Variants in PLAA observed in about 807,000 individuals in gnomAD.
PLAA encodes the protein phospholipase A2 activating protein, also known as phospholipase A-2-activating protein.
In PLAA, 48 loss-of-function variants were observed where a neutral mutation model predicts 84.1. The observed-to-expected ratio is 0.57, with a 90% CI of 0.45 to 0.73. The LOEUF is 0.73. PLAA is among the 30% of genes least tolerant of loss of function. The pLI, the probability that PLAA is intolerant of heterozygous loss-of-function variation, is 0.00. For synonymous variants in PLAA, 392 were observed against 336.6 expected (o/e 1.16, Z -1.80); for missense variants, 903 against 954.7 (o/e 0.95, Z 0.71).
chr9:26,919,610 G>C, intron 8 of PLAA, 81 bp from the exon 9 acceptor site: 3 of 753,336 alleles, frequency 4.0e-6, no homozygotes, highest in Non-Finnish European at 6.6e-6. Flanking sequence ...TAACACAGAT[G>C]TGTTCTTTAA....
intron 2 of PLAA, among the ~76,000 whole-genome samples, chr9:26,934,568 C>A (rs1825298771): frequency 6.7e-6 from 1 of 149,032 alleles, no homozygotes; most frequent in Non-Finnish European, 1.5e-5. Flanking sequence ...TAACCTCTGC[C>A]TGCCAGGTTC....
In PLAA at chr9:26,913,934, A is replaced by T; in HGVS notation, c.1500T>A (p.Tyr500Ter). 6.2e-7 allele frequency: 1 copy of T among 1,611,498 alleles called. No individual in the cohort carries two copies. Reference protein sequence around the residue: ...TADPFTGAGRYVPGSASMGTT... With the variant: ...TADPFTGAGR ...TTCCCATACTTGCAGAACCTGGTAC[A>T]TAACGACCAGCACCTACAATACAAT... Residue 500 changes from tyrosine (Y) to a stop codon, truncating the protein, a stop_gained, in exon 11 of 14, where the codon TAT becomes TAA. Transcript: ENST00000397292. LOFTEE classifies it high-confidence loss of function.
At chr9:26,911,848 T>C (rs1276790001) in intron 11 of PLAA, among the ~76,000 whole-genome samples, 1 of 152,204 alleles carries the variant, frequency 6.6e-6, no homozygotes, top group Non-Finnish European at 1.5e-5. Flanking sequence ...CTTAATATTC[T>C]GATTACATTA....
At chr9:26,942,615 G>A (rs1825574312) in intron 1 of PLAA, among the ~76,000 whole-genome samples, 1 of 143,072 alleles carries the variant, frequency 7.0e-6, no homozygotes, top group South Asian at 2.1e-4. Flanking sequence ...GGGCATGGTG[G>A]CTCACGCCTG....
chr9:26,944,684 A>T (rs1194454664), intron 1 of PLAA, among the ~76,000 whole-genome samples: 3 of 152,254 alleles, frequency 2.0e-5, no homozygotes, highest in African/African-American at 7.2e-5. Context: ...GGGCCACAGG[A>T]TGGACAAGCT....
intron 2 of PLAA, among the ~76,000 whole-genome samples, chr9:26,931,909 A>C (rs1382641012): frequency 6.6e-6 from 1 of 152,134 alleles, no homozygotes; most frequent in Non-Finnish European, 1.5e-5. Context: ...ACATGGTGAA[A>C]CCCCATCTCT....
chr9:26,923,125 T>C (rs1249558157), intron 7 of PLAA, 53 bp downstream of exon 7: 9 of 1,324,296 alleles, frequency 6.8e-6, no homozygotes, highest in African/African-American at 1.5e-5. Flanking sequence ...TTCTAATTGT[T>C]CCAAAAGCCA....
At chr9:26,908,296 A>G (rs1824301101) in intron 12 of PLAA, among the ~76,000 whole-genome samples, 1 of 150,152 alleles carries the variant, frequency 6.7e-6, no homozygotes, top group Admixed American at 6.7e-5. Context: ...CCTCCTGAGT[A>G]GCTGGGACTA....
chr9:26,935,154 C>T lies in PLAA; in HGVS notation c.202G>A (p.Val68Ile). The T allele has an allele frequency of 6.3e-7, 1 of 1,596,366 alleles. No individual in the cohort carries two copies. Among genetic ancestry groups the T allele is most frequent in the Non-Finnish European group, 8.5e-7 (1 of 1,174,754 alleles). ...MHCMSGHSNF[V>I]SCVCIIPSSD... ...GAGGGTATGATGCATACACAAGATA[C>T]AAAATTGGAATGGCCACTCATACAG... The change falls in exon 2 of 14, where the codon GTA becomes ATA. Residue 68 changes from valine to isoleucine, a missense_variant. By Grantham distance (29) the Val-to-Ile change is conservative. Coordinates refer to ENST00000397292, the MANE Select transcript of PLAA (RefSeq NM_001031689.3).
Position 26,929,243 on chromosome 9 carries a change from G to C in PLAA, c.344-835C>G, listed in dbSNP as rs1239514246. ...AAAGAAAAATTAGCCAGGTGGAGTGGCTCATGCCTGTAATCCTAGCATTTT... is the reference window on the plus strand; with the variant it reads ...AAAGAAAAATTAGCCAGGTGGAGTGCCTCATGCCTGTAATCCTAGCATTTT... On this transcript the variant is annotated intron_variant, in intron 2 of 13. Transcript: ENST00000397292. 4.0e-5 allele frequency among the ~76,000 whole-genome samples: 6 copies of C among 151,806 alleles called. No homozygotes were observed. In the East Asian group the frequency reaches 1.2e-3, roughly 29 times the overall value.
At chr9:26,944,120 C>G (rs756398780) in intron 1 of PLAA, among the ~76,000 whole-genome samples, 1 of 152,030 alleles carries the variant, frequency 6.6e-6, no homozygotes, top group East Asian at 1.9e-4. Context: ...GTCATTATTG[C>G]GGGACTGGGT....
At chr9:26,921,644 C>T (rs1027584557) in intron 7 of PLAA, among the ~76,000 whole-genome samples, 9 of 152,288 alleles carry the variant, frequency 5.9e-5, no homozygotes, top group Admixed American at 6.5e-5. Flanking sequence ...TCTGAAACCA[C>T]ATCAATGAAT....
intron 1 of PLAA, among the ~76,000 whole-genome samples, chr9:26,946,674 CACA>C (rs1426588931): frequency 2.0e-5 from 3 of 152,224 alleles, no homozygotes; most frequent in South Asian, 4.1e-4. Context: ...GTCAAGTTAG[CACA>C]ACAAGGCAGG....
intron 10 of PLAA, 28 bp downstream of exon 10, chr9:26,917,069 A>G: frequency 6.3e-7 from 1 of 1,580,128 alleles, no homozygotes; most frequent in Non-Finnish European, 8.7e-7. Flanking sequence ...TAGTGAAGAA[A>G]GATACATGAA....
chr9:26,916,576 G>A, intron 10 of PLAA: 1 of 987,048 alleles, frequency 1.0e-6, no homozygotes, highest in Non-Finnish European at 1.2e-6. Context: ...AATATGCCTG[G>A]GGAGACTTCT....
In PLAA at chr9:26,939,307, G is replaced by T. The variant is rs368935077; in HGVS notation, c.150-4101C>A. ...GGAGGCTGAGGCAGGAGAATGGCGT[G>T]AACCCAAGAGGTGGAGCTTGCAGTG... On this transcript the variant is annotated intron_variant, in intron 1 of 13. Transcript: ENST00000397292. 8.6e-5 allele frequency among the ~76,000 whole-genome samples: 13 copies of T among 152,028 alleles called. No homozygotes were observed. In the East Asian group the frequency reaches 2.5e-3, roughly 29 times the overall value.
intron 2 of PLAA, among the ~76,000 whole-genome samples, chr9:26,932,778 T>C (rs1215852659): frequency 6.6e-6 from 1 of 152,202 alleles, no homozygotes; most frequent in East Asian, 1.9e-4. Context: ...AAAATCTGTA[T>C]CCCTCTGTAT....
chr9:26,942,664 C>T (rs946467124), intron 1 of PLAA, among the ~76,000 whole-genome samples: 5 of 152,224 alleles, frequency 3.3e-5, no homozygotes, highest in Middle Eastern at 6.8e-3. Flanking sequence ...GGGCGGATCA[C>T]GAGGTCAGGA....
rs185687064 is a variant in PLAA, at chr9:26,934,035, C to T, written c.343+978G>A. On this transcript the variant is annotated intron_variant, in intron 2 of 13. Transcript: ENST00000397292. ...TGTTGCTCAGGCTGGTCTCAAACTC[C>T]TTGCCTCTAGCAATCCTCCCGTCTT... Among the ~76,000 whole-genome samples the T allele has an allele frequency of 1.0e-3, 153 of 152,178 alleles. 1 individual carries two copies. Among genetic ancestry groups the T allele is most frequent in the Admixed American group, 8.4e-3 (128 of 15,278 alleles).
Sources: allele counts gnomAD v4.1 joint callset (sites outside exome capture counted in the v4.1 genomes callset), GRCh38; gene constraint gnomAD v4.1.1; transcripts MANE v1.5; gene names NCBI Gene and HGNC (gene_info 2026-07-23, HGNC 2026-07-21).